The following RPS6KC1 variants were observed in gnomAD, a reference collection of about 807,000 sequenced individuals.
RPS6KC1 encodes ribosomal protein S6 kinase C1.
RPS6KC1 carries 54 observed loss-of-function variants against 103.8 expected under a neutral mutation model. The observed-to-expected ratio is 0.52, with a 90% CI of 0.42 to 0.65. The LOEUF (loss-of-function observed/expected upper bound fraction) is 0.65. RPS6KC1 is among the 30% of genes least tolerant of loss of function. The pLI is 0.00. For synonymous variants in RPS6KC1, 439 were observed against 438.7 expected, an observed-to-expected ratio of 1.00 and a Z score of -0.01; for missense variants, 1,151 against 1,253.8, an observed-to-expected ratio of 0.92 and a Z score of 1.24.
chr1:213,170,659 A>G (rs1254415195), intron 7 of RPS6KC1, among the ~76,000 whole-genome samples: 2 of 152,232 alleles, frequency 1.3e-5, no homozygotes, highest in Non-Finnish European at 2.9e-5. Context: ...GCTAGAGGAG[A>G]GTAGGCACAG....
At chr1:213,600,617 C>T in the RPS6KC1 span, among the ~76,000 whole-genome samples, 1 of 152,102 alleles carries the variant, frequency 6.6e-6, no homozygotes, top group East Asian at 1.9e-4. Context: ...AGGGAGGGAG[C>T]AAAGCTGGAG....
chr1:213,199,904 A>G (rs4378275), intron 8 of RPS6KC1, among the ~76,000 whole-genome samples: 1 of 152,222 alleles, frequency 6.6e-6, no homozygotes, highest in Non-Finnish European at 1.5e-5. Flanking sequence ...AAAAAGAATA[A>G]AATACCTAGG....
chr1:213,717,835 C>G, the RPS6KC1 span, among the ~76,000 whole-genome samples: 2 of 152,152 alleles, frequency 1.3e-5, no homozygotes, highest in Non-Finnish European at 2.9e-5. Flanking sequence ...AGTTTGTAGA[C>G]CAGATTCTGC....
the RPS6KC1 span, among the ~76,000 whole-genome samples, chr1:213,613,867 G>A: frequency 2.6e-5 from 4 of 152,298 alleles, no homozygotes; most frequent in South Asian, 4.1e-4. Flanking sequence ...CATCTGGTTC[G>A]CTCATTTAAG....
chr1:213,085,939 G>A (rs2080355855), intron 3 of RPS6KC1, among the ~76,000 whole-genome samples: 3 of 151,100 alleles, frequency 2.0e-5, no homozygotes, highest in Non-Finnish European at 1.5e-5. Flanking sequence ...TTTAATTTCA[G>A]CACTTGTTAT....
chr1:213,332,660 AGGCAC>A, the RPS6KC1 span, among the ~76,000 whole-genome samples: 1 of 152,176 alleles, frequency 6.6e-6, no homozygotes, highest in East Asian at 1.9e-4. Context: ...GCTGTGGCAG[AGGCAC>A]AGCTGGGTCG....
chr1:213,205,983 T>C (rs1464229967), intron 8 of RPS6KC1, among the ~76,000 whole-genome samples: 2 of 152,072 alleles, frequency 1.3e-5, no homozygotes, highest in Non-Finnish European at 2.9e-5. Context: ...GCTCAAAAAG[T>C]TTTAGATTTT....
chr1:213,321,117 A>G, the RPS6KC1 span, among the ~76,000 whole-genome samples: 2 of 152,230 alleles, frequency 1.3e-5, no homozygotes, highest in Admixed American at 1.3e-4. Context: ...AGAAAAAAAC[A>G]AAAACTCTAA....
chr1:213,814,560 G>A, the RPS6KC1 span, among the ~76,000 whole-genome samples: 14 of 152,180 alleles, frequency 9.2e-5, no homozygotes, highest in South Asian at 6.2e-4. Context: ...TTTGGAATTA[G>A]CCAGAATGCC....
chr1:213,142,662 A>T (rs148883123), intron 6 of RPS6KC1, among the ~76,000 whole-genome samples: 3 of 152,176 alleles, frequency 2.0e-5, no homozygotes, highest in African/African-American at 7.2e-5. Flanking sequence ...CATCCGGTAG[A>T]TGGCGATTAA....
the RPS6KC1 span, among the ~76,000 whole-genome samples, chr1:213,770,105 C>T: frequency 2.0e-5 from 3 of 152,288 alleles, no homozygotes; most frequent in East Asian, 3.9e-4. Context: ...ACTTTGAACA[C>T]GGAAGTGCTG....
At chr1:213,133,494 T>C (rs1047664014) in intron 6 of RPS6KC1, among the ~76,000 whole-genome samples, 3 of 152,156 alleles carry the variant, frequency 2.0e-5, no homozygotes, top group Admixed American at 2.0e-4. Flanking sequence ...CACCAAAATT[T>C]AGAGGGTGCA....
At chr1:213,715,174 C>T in the RPS6KC1 span, among the ~76,000 whole-genome samples, 7 of 152,258 alleles carry the variant, frequency 4.6e-5, no homozygotes, top group South Asian at 2.1e-4. Context: ...GTAAAGAAGT[C>T]GGAAGCAGGA....
At chr1:213,485,934 T>C in the RPS6KC1 span, among the ~76,000 whole-genome samples, 2 of 152,202 alleles carry the variant, frequency 1.3e-5, no homozygotes, top group Non-Finnish European at 2.9e-5. Context: ...GCATAGGCAC[T>C]CTGGATACTC....
the RPS6KC1 span, among the ~76,000 whole-genome samples, chr1:213,662,427 A>ATTTTT: frequency 1.5e-5 from 1 of 67,128 alleles, no homozygotes. Flanking sequence ...ACACCTGGCT[A>ATTTTT]ATTTTTTTTT....
At chr1:213,762,985 A>G in the RPS6KC1 span, among the ~76,000 whole-genome samples, 2 of 151,858 alleles carry the variant, frequency 1.3e-5, no homozygotes, top group Non-Finnish European at 2.9e-5. Context: ...TAGCCTCCCA[A>G]GTAGCTGGGA....
At chr1:213,455,006 G>A in the RPS6KC1 span, among the ~76,000 whole-genome samples, 2 of 152,166 alleles carry the variant, frequency 1.3e-5, no homozygotes, top group African/African-American at 2.4e-5. Flanking sequence ...GGTGCCTCAG[G>A]GAGCGTCCAG....
chr1:213,756,159 A>C, the RPS6KC1 span, among the ~76,000 whole-genome samples: 1 of 152,196 alleles, frequency 6.6e-6, no homozygotes, highest in Non-Finnish European at 1.5e-5. Flanking sequence ...TTGTACTACT[A>C]CTTATCCCTC....
the RPS6KC1 span, among the ~76,000 whole-genome samples, chr1:213,777,123 T>A: frequency 6.6e-6 from 1 of 152,182 alleles, no homozygotes; most frequent in Non-Finnish European, 1.5e-5. Context: ...TGTTTTGCTT[T>A]CTTATCATTC....
Sources: gnomAD v4.1 joint callset for allele counts (sites outside exome capture counted in the v4.1 genomes callset) on GRCh38, gnomAD v4.1.1 for gene constraint, MANE v1.5 for transcripts, NCBI Gene and HGNC (gene_info 2026-07-23, HGNC 2026-07-21) for gene names.